Variants in AGAP1 observed in about 807,000 individuals in gnomAD.
The protein encoded by AGAP1 is ArfGAP with GTPase domain, ankyrin repeat and PH domain 1, also known as arf-GAP with GTPase, ANK repeat and PH domain-containing protein 1.
In AGAP1, 29 loss-of-function variants were observed where a neutral mutation model predicts 105.3. That is an observed-to-expected ratio of 0.28 (90% CI 0.21 to 0.38). The LOEUF (loss-of-function observed/expected upper bound fraction) is 0.38. Ranked by LOEUF, AGAP1 falls within the 10% of genes least tolerant of loss-of-function variation. The pLI is 1.00. For synonymous variants in AGAP1, 509 were observed against 485.9 expected (o/e 1.05, Z -0.63); for missense variants, 998 against 1,165.1 (o/e 0.86, Z 2.09).
rs1323372252 is a variant in AGAP1 at position 235,705,407 on chromosome 2, A to C, written c.164-3772A>C. Reference sequence around the variant, plus strand: ...GCATATGCCCAGCTGTGTTTCCCTGAAGCATATTTATCCTTCCAGTGTTCC... The same window carrying C: ...GCATATGCCCAGCTGTGTTTCCCTGCAGCATATTTATCCTTCCAGTGTTCC... On this transcript the variant is annotated intron_variant, in intron 1 of 17. Coordinates refer to ENST00000304032, the MANE Select transcript of AGAP1 (RefSeq NM_001037131.3). This position sits in a 1 kb window ranked among gnomAD's most constrained non-coding sequence, Gnocchi z 4.9. 6.6e-6 allele frequency among the ~76,000 whole-genome samples: 1 copy of C among 152,132 alleles called. No individual in the cohort carries two copies. The highest frequency in any genetic ancestry group is 1.5e-5 in the Non-Finnish European group (1 of 68,022).
At position 235,750,613 on chromosome 2, in the gene AGAP1, G is replaced by A; in HGVS notation, c.673+125G>A. On this transcript the variant is annotated intron_variant, in intron 6 of 17. Transcript: ENST00000304032. The surrounding 1 kb of genome is among the most constrained non-coding windows in gnomAD (Gnocchi z 5.3). ...ATATGTCGTTGATGGGTGGGCATTA[G>A]TATCGAGAGCAGTCCATTCCAGAGG... The A allele has an allele frequency of 7.2e-7, 1 of 1,396,040 alleles. No individual in the cohort carries two copies. Among genetic ancestry groups the A allele is most frequent in the South Asian group, 1.2e-5 (1 of 80,516 alleles). The allele number at this position is 1,396,040 out of a possible 1,614,324, so 86.5% of individuals were successfully genotyped here. A position where few individuals can be genotyped will look rare whatever the true frequency, so the allele number is the denominator to read the frequency against.
At chr2:235,589,694 T>C (rs575131447) in intron 1 of AGAP1, among the ~76,000 whole-genome samples, 1 of 152,020 alleles carries the variant, frequency 6.6e-6, no homozygotes, top group South Asian at 2.1e-4. Flanking sequence ...AAAATATAGA[T>C]AGATAGATAG....
At chr2:235,669,819 G>C (rs1461145873) in intron 1 of AGAP1, 2 of 147,864 alleles carry the variant, frequency 1.4e-5, no homozygotes, top group African/African-American at 2.4e-5. Flanking sequence ...GCGCACCGCG[G>C]CCGCACCTGC....
chr2:235,660,091 GCACACACAGTGAC>G lies in AGAP1; in HGVS notation c.164-49087_164-49075del, dbSNP rs1947898124. 6.6e-6 allele frequency among the ~76,000 whole-genome samples: 1 copy of G among 152,182 alleles called. No homozygotes were observed. Among genetic ancestry groups the G allele is most frequent in the African/African-American group, 2.4e-5 (1 of 41,452 alleles). ...CACTCTGGGATGCCCCCACCCCTCA[GCACACACAGTGAC>G]TGTGTTTTCATGTTTTCCACCAAGG... On this transcript the variant is annotated intron_variant, in intron 1 of 17. Coordinates refer to ENST00000304032, the MANE Select transcript of AGAP1 (RefSeq NM_001037131.3). The surrounding 1 kb of genome is among the most constrained non-coding windows in gnomAD (Gnocchi z 5.3).
intron 13 of AGAP1, among the ~76,000 whole-genome samples, chr2:236,021,020 G>T (rs2056864586): frequency 6.6e-6 from 1 of 152,060 alleles, no homozygotes. Context: ...ACAAAAATTA[G>T]CTGGGCATGG....
At chr2:235,508,757 T>A (rs1941944488) in intron 1 of AGAP1, among the ~76,000 whole-genome samples, 1 of 152,228 alleles carries the variant, frequency 6.6e-6, no homozygotes, top group Non-Finnish European at 1.5e-5. Flanking sequence ...TCTGTGACAT[T>A]TTAATAATGG....
At chr2:235,851,836 C>T (rs1330287927) in intron 9 of AGAP1, among the ~76,000 whole-genome samples, 2 of 152,196 alleles carry the variant, frequency 1.3e-5, no homozygotes, top group Non-Finnish European at 2.9e-5. Flanking sequence ...ATGCACACCT[C>T]GCACGTCTCA....
At chr2:235,980,553 G>A (rs1041921980) in intron 13 of AGAP1, among the ~76,000 whole-genome samples, 39 of 152,264 alleles carry the variant, frequency 2.6e-4, no homozygotes, top group African/African-American at 8.2e-4. Flanking sequence ...GTTGAGCGTC[G>A]AGGACAGGTT....
chr2:235,784,755 C>T (rs1303146550), intron 6 of AGAP1, among the ~76,000 whole-genome samples: 1 of 152,130 alleles, frequency 6.6e-6, no homozygotes, highest in African/African-American at 2.4e-5. Flanking sequence ...TCAAATTCAT[C>T]ATGCATCTCC....
Position 235,900,132 on chromosome 2 carries a change from A to G in AGAP1, c.1156-8606A>G, listed in dbSNP as rs1432047366. On this transcript the variant is annotated intron_variant, in intron 10 of 17. Transcript: ENST00000304032. The surrounding 1 kb of genome is among the most constrained non-coding windows in gnomAD (Gnocchi z 5.5). ...ATGAAGCTGCCACCACTGGTCCCCA[A>G]CAAGGCCTCACCAGCCTTCTCGTTT... 6.6e-6 allele frequency among the ~76,000 whole-genome samples: 1 copy of G among 152,220 alleles called. No homozygotes were observed. The highest frequency in any genetic ancestry group is 1.9e-4 in the East Asian group (1 of 5,206).
Position 235,622,293 on chromosome 2 carries a change from A to G in AGAP1, c.164-86886A>G, listed in dbSNP as rs148258860. Reference sequence around the variant, plus strand: ...CCTGCTGGCTTTGTAGAATGCTCACAGTGGAATAGACTGTCAGCAGGTCCT... The same window carrying G: ...CCTGCTGGCTTTGTAGAATGCTCACGGTGGAATAGACTGTCAGCAGGTCCT... On this transcript the variant is annotated intron_variant, in intron 1 of 17. Transcript: ENST00000304032. The surrounding 1 kb of genome is among the most constrained non-coding windows in gnomAD (Gnocchi z 5.0). 8.9e-4 allele frequency among the ~76,000 whole-genome samples: 136 copies of G among 152,312 alleles called. No individual in the cohort carries two copies. Among genetic ancestry groups the G allele is most frequent in the African/African-American group, 3.2e-3 (133 of 41,558 alleles).
At position 235,599,389 on chromosome 2, in the gene AGAP1, G is replaced by A. The variant is rs1016108610; in HGVS notation, c.163+104540G>A. Among the ~76,000 whole-genome samples, 1 of 152,192 alleles carries A rather than the reference G, an allele frequency of 6.6e-6. No individual in the cohort carries two copies. The highest frequency in any genetic ancestry group is 1.5e-5 in the Non-Finnish European group (1 of 68,034). On this transcript the variant is annotated intron_variant, in intron 1 of 17. Transcript: ENST00000304032. This position sits in a 1 kb window ranked among gnomAD's most constrained non-coding sequence, Gnocchi z 5.3. ...GGCGGGCAGCAAGGAGGCTGGGGAA[G>A]TGGATGCTGCAGGGTGAGCTCTGGG... is the stretch of plus-strand genomic sequence containing the variant.
In AGAP1 at chr2:235,778,903, C is replaced by T. The variant is rs1160453689; in HGVS notation, c.674-18856C>T. Among the ~76,000 whole-genome samples, 6 of 152,230 alleles carry T rather than the reference C, an allele frequency of 3.9e-5. No individual in the cohort carries two copies. The East Asian group carries it at 9.6e-4, about 24-fold the overall frequency. ...TGGCCTCTCCAGCCCCGTGGCAGTC[C>T]TCACTGCAGGAGGCTGGCACCCTCT... On this transcript the variant is annotated intron_variant, in intron 6 of 17. Transcript: ENST00000304032.
In AGAP1 at chr2:235,549,482, C is replaced by T. The variant is rs2149111551; in HGVS notation, c.163+54633C>T. Among the ~76,000 whole-genome samples, 1 of 152,278 alleles carries T rather than the reference C, an allele frequency of 6.6e-6. No individual in the cohort carries two copies. The highest frequency in any genetic ancestry group is 2.4e-5 in the African/African-American group (1 of 41,544). On this transcript the variant is annotated intron_variant, in intron 1 of 17. Coordinates refer to ENST00000304032, the MANE Select transcript of AGAP1 (RefSeq NM_001037131.3). This position sits in a 1 kb window ranked among gnomAD's most constrained non-coding sequence, Gnocchi z 4.2. ...TCAGCCAGCATGAGACCCTCGCTTC[C>T]AGCCTGTGCCTTTAGCCCAGCCTTG... is the stretch of plus-strand genomic sequence containing the variant.
chr2:235,552,483 G>T lies in AGAP1; in HGVS notation c.163+57634G>T, dbSNP rs1012929597. ...AGTGCAGTGCAGAGCACTGGGAAAT[G>T]GACTTCCTGGGAAGTGTGGGATTTT... On this transcript the variant is annotated intron_variant, in intron 1 of 17. Coordinates refer to ENST00000304032, the MANE Select transcript of AGAP1 (RefSeq NM_001037131.3). This position sits in a 1 kb window ranked among gnomAD's most constrained non-coding sequence, Gnocchi z 5.9. Among the ~76,000 whole-genome samples, 21 of 152,148 alleles carry T rather than the reference G, an allele frequency of 1.4e-4. No homozygotes were observed. Among genetic ancestry groups the T allele is most frequent in the Non-Finnish European group, 2.5e-4 (17 of 68,032 alleles).
chr2:235,971,514 C>G lies in AGAP1; in HGVS notation c.1645+2891C>G, dbSNP rs1192468281. Reference sequence around the variant, plus strand: ...AGGAGATCGAGACCATCCTGGCTAACACAATGAAACCCCGTCTCTACTAAA... The same window carrying G: ...AGGAGATCGAGACCATCCTGGCTAAGACAATGAAACCCCGTCTCTACTAAA... On this transcript the variant is annotated intron_variant, in intron 13 of 17. Coordinates refer to ENST00000304032, the MANE Select transcript of AGAP1 (RefSeq NM_001037131.3). This position sits in a 1 kb window ranked among gnomAD's most constrained non-coding sequence, Gnocchi z 4.8. Among the ~76,000 whole-genome samples, 1 of 152,042 alleles carries G rather than the reference C, an allele frequency of 6.6e-6. No individual in the cohort carries two copies. Among genetic ancestry groups the G allele is most frequent in the Non-Finnish European group, 1.5e-5 (1 of 68,020 alleles).
chr2:235,675,442 G>A (rs143573912), intron 1 of AGAP1, among the ~76,000 whole-genome samples: 2,197 of 152,154 alleles, frequency 0.014, 62 homozygotes, highest in African/African-American at 0.05. Context: ...GCCTCCCAAG[G>A]TGCTGGGATT....
chr2:235,864,185 G>A lies in AGAP1; in HGVS notation c.1051-19160G>A, dbSNP rs1188080212. On this transcript the variant is annotated intron_variant, in intron 9 of 17. Coordinates refer to ENST00000304032, the MANE Select transcript of AGAP1 (RefSeq NM_001037131.3). This position sits in a 1 kb window ranked among gnomAD's most constrained non-coding sequence, Gnocchi z 5.0. ...GGGATCATTCGCTAGAATAAAGCAG[G>A]AGCAGCAGGTTCTGATTGTTCCTTT... Among the ~76,000 whole-genome samples, 1 of 152,138 alleles carries A rather than the reference G, an allele frequency of 6.6e-6. No homozygotes were observed. The highest frequency in any genetic ancestry group is 1.5e-5 in the Non-Finnish European group (1 of 68,026).
At chr2:235,898,880 A>G (rs2050931692) in intron 10 of AGAP1, among the ~76,000 whole-genome samples, 1 of 152,158 alleles carries the variant, frequency 6.6e-6, no homozygotes, top group African/African-American at 2.4e-5. Flanking sequence ...TTGTCTTCCA[A>G]AGACTTCTTT....
Sources: gnomAD v4.1 joint callset for allele counts (sites outside exome capture counted in the v4.1 genomes callset) on GRCh38, gnomAD v4.1.1 for gene constraint, Gnocchi (gnomAD v3.1) non-coding constraint, MANE v1.5 for transcripts, NCBI Gene and HGNC (gene_info 2026-07-23, HGNC 2026-07-21) for gene names.